Variants in BMAL1 observed in about 807,000 individuals in gnomAD.
BMAL1 encodes the protein basic helix-loop-helix ARNT like 1, also known as basic helix-loop-helix ARNT-like protein 1.
At chr11:13,295,570 A>C in the BMAL1 span, among the ~76,000 whole-genome samples, 1 of 152,158 alleles carries the variant, frequency 6.6e-6, no homozygotes, top group Non-Finnish European at 1.5e-5. Flanking sequence ...TCTCCCATTC[A>C]GCCAGTCTGG....
the BMAL1 span, among the ~76,000 whole-genome samples, chr11:13,364,167 TTTG>T: frequency 6.6e-6 from 1 of 152,200 alleles, no homozygotes; most frequent in Non-Finnish European, 1.5e-5. Flanking sequence ...TAATACCCTA[TTTG>T]TTGACAGAAT....
At chr11:13,320,772 A>G in the BMAL1 span, among the ~76,000 whole-genome samples, 1 of 152,228 alleles carries the variant, frequency 6.6e-6, no homozygotes, top group East Asian at 1.9e-4. Flanking sequence ...GAGATGAATC[A>G]TGAACAATGT....
chr11:13,310,452 G>T, the BMAL1 span, among the ~76,000 whole-genome samples: 3 of 152,168 alleles, frequency 2.0e-5, no homozygotes, highest in Non-Finnish European at 4.4e-5. Context: ...TCCCATAGGA[G>T]CAAAATCTTC....
At chr11:13,376,810 G>T in the BMAL1 span, 1 of 1,332,426 alleles carries the variant, frequency 7.5e-7, no homozygotes, top group Non-Finnish European at 1.0e-6. Context: ...AGTATTCAGG[G>T]TCCCCTCCAT....
chr11:13,332,044 C>G, the BMAL1 span, among the ~76,000 whole-genome samples: 1 of 152,052 alleles, frequency 6.6e-6, no homozygotes, highest in African/African-American at 2.4e-5. Flanking sequence ...GGAAGACGTA[C>G]TAGGATTTGG....
the BMAL1 span, among the ~76,000 whole-genome samples, chr11:13,366,283 TAGACAAGG>T: frequency 6.6e-6 from 1 of 152,336 alleles, no homozygotes; most frequent in East Asian, 1.9e-4. Flanking sequence ...TCTCTGTTAA[TAGACAAGG>T]TGACTGAAGC....
At chr11:13,341,819 G>A in the BMAL1 span, among the ~76,000 whole-genome samples, 1 of 152,364 alleles carries the variant, frequency 6.6e-6, no homozygotes, top group Middle Eastern at 3.4e-3. Context: ...CCTTCATTTA[G>A]CTGGTCCTTG....
the BMAL1 span, among the ~76,000 whole-genome samples, chr11:13,366,945 T>C: frequency 6.6e-6 from 1 of 152,200 alleles, no homozygotes; most frequent in African/African-American, 2.4e-5. Context: ...ATGGAATTAT[T>C]TATGTTCTTT....
the BMAL1 span, chr11:13,378,809 A>G: frequency 4.7e-5 from 11 of 232,910 alleles, no homozygotes; most frequent in Admixed American, 5.4e-4. Context: ...CAGTGCGGAT[A>G]GATGTACCTT....
At chr11:13,303,706 G>A in the BMAL1 span, among the ~76,000 whole-genome samples, 3 of 152,150 alleles carry the variant, frequency 2.0e-5, no homozygotes, top group African/African-American at 7.2e-5. Flanking sequence ...GGAGCGTGAG[G>A]AAGAAGAAGA....
the BMAL1 span, among the ~76,000 whole-genome samples, chr11:13,300,270 A>G: frequency 8.5e-5 from 13 of 152,370 alleles, no homozygotes; most frequent in East Asian, 2.5e-3. Context: ...CTTTCAGCTA[A>G]TGCTACATTA....
the BMAL1 span, among the ~76,000 whole-genome samples, chr11:13,301,033 A>G: frequency 0.58 from 87,939 of 152,028 alleles, 27,733 homozygotes; most frequent in Non-Finnish European, 0.71. Context: ...TGACTACCTG[A>G]TTCAAGCGAT....
At chr11:13,315,512 A>G in the BMAL1 span, among the ~76,000 whole-genome samples, 532 of 152,336 alleles carry the variant, frequency 3.5e-3, 8 homozygotes, top group East Asian at 0.041. Flanking sequence ...TCCCAAAGAC[A>G]CTGTGTGAGG....
chr11:13,376,499 C>T, the BMAL1 span: 8 of 807,224 alleles, frequency 9.9e-6, no homozygotes, highest in African/African-American at 1.3e-4. Context: ...AACAGTGAGA[C>T]CTGTTTACCC....
At chr11:13,321,231 GT>G in the BMAL1 span, among the ~76,000 whole-genome samples, 2 of 151,808 alleles carry the variant, frequency 1.3e-5, no homozygotes, top group Admixed American at 6.6e-5. Flanking sequence ...TGTAGCTGGG[GT>G]TTTTTTTGCA....
chr11:13,381,301 G>T, the BMAL1 span: 1 of 1,578,636 alleles, frequency 6.3e-7, no homozygotes, highest in Non-Finnish European at 8.7e-7. Context: ...TCTTGCCCAA[G>T]ATCTGAAATG....
the BMAL1 span, among the ~76,000 whole-genome samples, chr11:13,386,185 C>T: frequency 1.3e-5 from 2 of 152,168 alleles, 1 homozygote; most frequent in South Asian, 4.1e-4. Flanking sequence ...TTTTTCTCCC[C>T]TGGGCTTTCT....
the BMAL1 span, chr11:13,366,643 G>C: frequency 1.3e-6 from 2 of 1,588,698 alleles, no homozygotes; most frequent in East Asian, 4.5e-5. Flanking sequence ...GACTTGTCAT[G>C]TTTAACATTT....
At chr11:13,377,807 C>T in the BMAL1 span, among the ~76,000 whole-genome samples, 26 of 152,350 alleles carry the variant, frequency 1.7e-4, no homozygotes, top group African/African-American at 4.3e-4. Context: ...TGCTCCTGCA[C>T]GTGTTGGTTG....
Sources: allele counts gnomAD v4.1 joint callset (sites outside exome capture counted in the v4.1 genomes callset), GRCh38; gene constraint gnomAD v4.1.1; transcripts MANE v1.5; gene names NCBI Gene and HGNC (gene_info 2026-07-23, HGNC 2026-07-21).